TNS1: variants seen among roughly 807,000 people sequenced by gnomAD.
TNS1 encodes tensin-1.
TNS1 carries 62 observed loss-of-function variants against 168.6 expected under a neutral mutation model. That is an observed-to-expected ratio of 0.37 (90% CI 0.30 to 0.45). The LOEUF is 0.45. TNS1 is among the 20% of genes least tolerant of loss of function. The pLI, the probability that TNS1 is intolerant of heterozygous loss-of-function variation, is 1.00. For synonymous variants in TNS1, 934 were observed against 933.2 expected (o/e 1.00, Z -0.02); for missense variants, 2,240 against 2,339.4 (o/e 0.96, Z 0.88).
intron 22 of TNS1, among the ~76,000 whole-genome samples, chr2:217,828,163 GA>G (rs889597603): frequency 6.6e-6 from 1 of 152,210 alleles, no homozygotes; most frequent in African/African-American, 2.4e-5. Flanking sequence ...GGCTGCGGGG[GA>G]GCAAGGAGGG....
intron 3 of TNS1, among the ~76,000 whole-genome samples, chr2:217,924,686 A>G (rs1254481703): frequency 6.6e-6 from 1 of 152,218 alleles, no homozygotes; most frequent in Non-Finnish European, 1.5e-5. Context: ...AGACCCTCCA[A>G]GCCCGCAGAG....
chr2:217,966,985 G>A lies in TNS1; in HGVS notation c.186+11780C>T, dbSNP rs558479232. Among the ~76,000 whole-genome samples, 423 of 152,312 alleles carry A rather than the reference G, an allele frequency of 2.8e-3. 3 individuals carry two copies. The highest frequency in any genetic ancestry group is 8.8e-3 in the African/African-American group (364 of 41,544). On this transcript the variant is annotated intron_variant, in intron 3 of 32. Coordinates refer to ENST00000682258, the MANE Select transcript of TNS1 (RefSeq NM_001387777.1). Reference sequence around the variant, plus strand: ...ATGTGGTATTTCAAGGATTAAATGAGAAGAGTGTCACGTAGTCACCATGCA... The same window carrying A: ...ATGTGGTATTTCAAGGATTAAATGAAAAGAGTGTCACGTAGTCACCATGCA...
chr2:217,897,948 G>C lies in TNS1; in HGVS notation c.393C>G (p.Thr131=). 1 of 1,609,202 alleles carries C rather than the reference G, an allele frequency of 6.2e-7. No individual in the cohort carries two copies. The highest frequency in any genetic ancestry group is 8.5e-7 in the Non-Finnish European group (1 of 1,177,758). Residue 131 remains threonine (T), a synonymous_variant, in exon 8 of 33, where the codon ACC becomes ACG. Coordinates refer to ENST00000682258, the MANE Select transcript of TNS1 (RefSeq NM_001387777.1). ...GGTCCAGCTCACAGCTGTCCTCCAT[G>C]GTCCGGCTCACACTCATGTTTCTAG... The part of the protein sequence containing the change: ...QPIRNMSVSR[T]MEDSCELDLV...
rs1389744923 is a variant in TNS1 at position 217,800,667 on chromosome 2, C to G, written c.*3792G>C. ...AGGGCTGCTCTGGGACTCTGCCCCC[C>G]AACCTCTTGGAGGACCCCGAGTGTG... On this transcript the variant is annotated 3_prime_UTR_variant, in exon 33 of 33. Coordinates refer to ENST00000682258, the MANE Select transcript of TNS1 (RefSeq NM_001387777.1). The G allele has an allele frequency of 2.6e-5, 4 of 152,168 alleles. No homozygotes were observed. Among genetic ancestry groups the G allele is most frequent in the African/African-American group, 9.7e-5 (4 of 41,418 alleles). 9.4% of individuals were successfully genotyped at this position (152,168 alleles called of 1,614,324 possible).
At chr2:217,976,001 C>T (rs974476514) in intron 3 of TNS1, among the ~76,000 whole-genome samples, 1 of 152,184 alleles carries the variant, frequency 6.6e-6, no homozygotes, top group Non-Finnish European at 1.5e-5. Context: ...CTCTTTCAAG[C>T]GTAACAAGTT....
intron 1 of TNS1, among the ~76,000 whole-genome samples, chr2:218,029,478 C>T (rs1375473297): frequency 1.3e-5 from 2 of 152,210 alleles, no homozygotes. Context: ...CAGTGCTACT[C>T]ACAGTAGCCC....
At chr2:218,023,216 G>C in intron 1 of TNS1, among the ~76,000 whole-genome samples, 1 of 152,306 alleles carries the variant, frequency 6.6e-6, no homozygotes, top group Middle Eastern at 3.4e-3. Context: ...CAGAAAAGGC[G>C]AGGAGACACT....
At chr2:217,984,155 G>A (rs922781961) in intron 2 of TNS1, among the ~76,000 whole-genome samples, 2 of 152,160 alleles carry the variant, frequency 1.3e-5, no homozygotes, top group Non-Finnish European at 2.9e-5. Flanking sequence ...ACCTGCCACA[G>A]CTCTACAATC....
chr2:217,835,318 G>C, intron 20 of TNS1, 152 bp from the exon 21 acceptor site: 1 of 666,816 alleles, frequency 1.5e-6, no homozygotes, highest in South Asian at 2.0e-5. Context: ...CAGGAGACAG[G>C]TCCTGCCACA....
In TNS1 at chr2:217,815,810, C is replaced by A. The variant is rs1269931948; in HGVS notation, c.4643-812G>T. Reference sequence around the variant, plus strand: ...AGGGCAGAAAGATCCATTTCTTCCCCCTTTTCCCCAGGCCTCTCCTCACTT... The same window carrying A: ...AGGGCAGAAAGATCCATTTCTTCCCACTTTTCCCCAGGCCTCTCCTCACTT... On this transcript the variant is annotated intron_variant, in intron 24 of 32. Transcript: ENST00000682258. Among the ~76,000 whole-genome samples, 6 of 152,262 alleles carry A rather than the reference C, an allele frequency of 3.9e-5. No homozygotes were observed. The East Asian group carries it at 1.2e-3, about 29-fold the overall frequency.
intron 31 of TNS1, 36 bp downstream of exon 31, chr2:217,808,567 G>A (rs774473350): frequency 6.3e-7 from 1 of 1,593,252 alleles, no homozygotes; most frequent in East Asian, 2.2e-5. Context: ...GTGTTAGAAA[G>A]CTGTGTGGGA....
chr2:217,939,719 C>T (rs1470231449), intron 3 of TNS1, among the ~76,000 whole-genome samples: 1 of 152,174 alleles, frequency 6.6e-6, no homozygotes, highest in Non-Finnish European at 1.5e-5. Flanking sequence ...CAGGGCTGAG[C>T]TACAGGCTTC....
At chr2:218,011,085 A>G (rs1040265579), upstream of TNS1, among the ~76,000 whole-genome samples, 16 of 152,102 alleles carry the variant, frequency 1.1e-4, no homozygotes, top group African/African-American at 3.9e-4. Flanking sequence ...CCAGCACTCT[A>G]GGGCTGGAGC....
At chr2:217,955,765 G>A (rs1303965765) in intron 3 of TNS1, among the ~76,000 whole-genome samples, 2 of 152,168 alleles carry the variant, frequency 1.3e-5, no homozygotes, top group African/African-American at 4.8e-5. Flanking sequence ...TAAGCCAGGG[G>A]TCTGTCCATG....
upstream of TNS1, among the ~76,000 whole-genome samples, chr2:218,003,264 G>T (rs1958603874): frequency 6.6e-6 from 1 of 150,526 alleles, no homozygotes; most frequent in Non-Finnish European, 1.5e-5. Context: ...CTGATCTGGT[G>T]CTGGTAGGCC....
chr2:217,945,389 G>A (rs185004815), intron 3 of TNS1, among the ~76,000 whole-genome samples: 4 of 152,302 alleles, frequency 2.6e-5, no homozygotes, highest in Non-Finnish European at 4.4e-5. Flanking sequence ...CAGGGAGATG[G>A]CCAGTACTTT....
At position 217,912,409 on chromosome 2, in the gene TNS1, C is replaced by T. The variant is rs191954961; in HGVS notation, c.229-5158G>A. Among the ~76,000 whole-genome samples, 9 of 151,814 alleles carry T rather than the reference C, an allele frequency of 5.9e-5. No individual in the cohort carries two copies. In the East Asian group the frequency reaches 9.7e-4, roughly 16 times the overall value. ...GCCCCTTTCCACCCTCCAACTCTCC[C>T]GACTCTTGCCCCCTGGGAGGCCTGG... On this transcript the variant is annotated intron_variant, in intron 4 of 32. Coordinates refer to ENST00000682258, the MANE Select transcript of TNS1 (RefSeq NM_001387777.1).
chr2:217,983,379 A>G (rs1184913315), intron 2 of TNS1, among the ~76,000 whole-genome samples: 2 of 152,156 alleles, frequency 1.3e-5, no homozygotes, highest in Admixed American at 6.5e-5. Context: ...CCGGAGCTCC[A>G]TGGAGCCCCA....
At chr2:217,839,598 A>G (rs1200504346) in intron 19 of TNS1, among the ~76,000 whole-genome samples, 1 of 152,150 alleles carries the variant, frequency 6.6e-6, no homozygotes, top group Non-Finnish European at 1.5e-5. Context: ...ACACCCTGCA[A>G]TTCTGGGAGC....
Sources: allele counts gnomAD v4.1 joint callset (sites outside exome capture counted in the v4.1 genomes callset), GRCh38; gene constraint gnomAD v4.1.1; transcripts MANE v1.5; gene names NCBI Gene and HGNC (gene_info 2026-07-23, HGNC 2026-07-21).